Variants in FSTL5 observed in about 807,000 individuals in gnomAD.
The protein encoded by FSTL5 is follistatin like 5, also known as follistatin-related protein 5.
FSTL5 carries 62 observed loss-of-function variants against 89.1 expected under a neutral mutation model. That is an observed-to-expected ratio of 0.70 (90% CI 0.57 to 0.86). The LOEUF (loss-of-function observed/expected upper bound fraction) is 0.86, where lower values mean the gene tolerates loss of function less well. Among genes scored for constraint, FSTL5 ranks in the 40% least tolerant of loss-of-function variants. FSTL5 has a pLI of 0.00. For missense variants in FSTL5, 1,057 were observed against 1,001.6 expected, an observed-to-expected ratio of 1.06 and a Z score of -0.75; for synonymous variants, 383 against 346.2, an observed-to-expected ratio of 1.11 and a Z score of -1.18.
chr4:161,875,866 T>C (rs907177938), intron 4 of FSTL5, among the ~76,000 whole-genome samples: 1 of 152,206 alleles, frequency 6.6e-6, no homozygotes, highest in Admixed American at 6.5e-5. Context: ...GTTGATGCTT[T>C]TTTTGTACAA....
chr4:161,463,395 A>T (rs144650448), intron 13 of FSTL5, among the ~76,000 whole-genome samples: 1 of 152,198 alleles, frequency 6.6e-6, no homozygotes, highest in Non-Finnish European at 1.5e-5. Flanking sequence ...AAATTTATTT[A>T]TAAGTTTTCA....
At chr4:162,104,195 G>C (rs1731118779) in intron 2 of FSTL5, among the ~76,000 whole-genome samples, 1 of 152,194 alleles carries the variant, frequency 6.6e-6, no homozygotes, top group African/African-American at 2.4e-5. Context: ...TGGGCTAAAG[G>C]CTTGCCATTG....
intron 12 of FSTL5, among the ~76,000 whole-genome samples, chr4:161,498,289 CAT>C (rs1730161862): frequency 6.6e-6 from 1 of 152,046 alleles, no homozygotes; most frequent in Non-Finnish European, 1.5e-5. Flanking sequence ...GTTGCCCTGA[CAT>C]GTTGCAAAAC....
intron 8 of FSTL5, among the ~76,000 whole-genome samples, chr4:161,572,363 G>T: frequency 7.3e-6 from 1 of 137,144 alleles, no homozygotes; most frequent in Non-Finnish European, 1.6e-5. Context: ...GAGAGAGAAA[G>T]AGAAAGAAGA....
Position 161,705,978 on chromosome 4 carries a change from A to G in FSTL5, c.728-49484T>C, listed in dbSNP as rs1310334703. ...TATATATATATATATATATATATAT[A>G]TATATATATATATATATACACACAT... On this transcript the variant is annotated intron_variant, in intron 6 of 15. Transcript: ENST00000306100. Among the ~76,000 whole-genome samples the G allele has an allele frequency of 4.4e-5, 4 of 90,468 alleles. 1 individual carries two copies. The highest frequency in any genetic ancestry group is 3.7e-4 in the East Asian group (1 of 2,714). 59.4% of individuals were successfully genotyped at this position (90,468 alleles called of 152,430 possible).
At chr4:162,085,461 A>T (rs911107252) in intron 2 of FSTL5, among the ~76,000 whole-genome samples, 4 of 152,126 alleles carry the variant, frequency 2.6e-5, no homozygotes, top group Non-Finnish European at 4.4e-5. Context: ...ATTTTTCAAA[A>T]AATCAAATAT....
chr4:161,708,287 G>T (rs1230599608), intron 6 of FSTL5, among the ~76,000 whole-genome samples: 1 of 151,652 alleles, frequency 6.6e-6, no homozygotes, highest in African/African-American at 2.4e-5. Context: ...AAATTATTCC[G>T]CTGCCCTGTC....
chr4:161,404,625 C>T (rs1731294254), intron 15 of FSTL5, among the ~76,000 whole-genome samples: 1 of 148,464 alleles, frequency 6.7e-6, no homozygotes, highest in South Asian at 2.1e-4. Flanking sequence ...ACAAGCTGGT[C>T]AAAAGCTAAA....
At chr4:161,926,392 A>AG (rs1311297775) in intron 3 of FSTL5, among the ~76,000 whole-genome samples, 1 of 42,768 alleles carries the variant, frequency 2.3e-5, no homozygotes, top group Non-Finnish European at 5.5e-5. Flanking sequence ...CAACAGAAGA[A>AG]GGTTTTTTTT....
chr4:161,972,999 T>C (rs1449658725), intron 3 of FSTL5, among the ~76,000 whole-genome samples: 10 of 152,200 alleles, frequency 6.6e-5, no homozygotes, highest in East Asian at 1.9e-4. Flanking sequence ...TGGCTTCTCA[T>C]TGATTCTTAG....
intron 2 of FSTL5, among the ~76,000 whole-genome samples, chr4:162,048,596 C>T (rs1578985579): frequency 2.6e-5 from 1 of 38,970 alleles, no homozygotes; most frequent in East Asian, 7.5e-4. Flanking sequence ...CCATTATACA[C>T]ATACACACAC....
intron 3 of FSTL5, among the ~76,000 whole-genome samples, chr4:161,931,135 G>A (rs1357373140): frequency 6.6e-6 from 1 of 151,888 alleles, no homozygotes; most frequent in Admixed American, 6.6e-5. Flanking sequence ...ATCTAATGCT[G>A]CCAAAGGGGA....
Position 161,920,434 on chromosome 4 carries a change from T to A in FSTL5, c.379A>T (p.Ile127Phe), listed in dbSNP as rs571337279. The change falls in exon 4 of 16, where the codon ATT (isoleucine) becomes TTT (phenylalanine). Residue 127 changes from isoleucine (I) to phenylalanine (F), a missense_variant. Ile to Phe is a conservative substitution (Grantham distance 21, BLOSUM62 0). This residue lies in a region of FSTL5 where 980 missense variants were observed against 903.2 expected (regional missense o/e 1.08). Coordinates refer to ENST00000306100, the MANE Select transcript of FSTL5 (RefSeq NM_020116.5). Reference sequence around the variant, plus strand: ...AAGAAGCAGTCTTCATTGTGAACAATGGTAATCTTTTGTTTTTTCAGGCAA... The same window carrying A: ...AAGAAGCAGTCTTCATTGTGAACAAAGGTAATCTTTTGTTTTTTCAGGCAA... ...AACLKKQKIT[I>F]VHNEDCFFKG... 3.1e-6 allele frequency: 5 copies of A among 1,613,976 alleles called. No individual in the cohort carries two copies. In the African/African-American group the frequency reaches 5.3e-5, roughly 17 times the overall value.
At chr4:161,508,866 C>A (rs935631668) in intron 11 of FSTL5, among the ~76,000 whole-genome samples, 1 of 152,178 alleles carries the variant, frequency 6.6e-6, no homozygotes, top group Admixed American at 6.5e-5. Flanking sequence ...AAGCTTCATA[C>A]AAATTTTCCC....
chr4:162,162,409 C>A (rs563305463), intron 1 of FSTL5, among the ~76,000 whole-genome samples: 2 of 152,160 alleles, frequency 1.3e-5, no homozygotes, highest in South Asian at 2.1e-4. Context: ...CATCTACTTG[C>A]AACCTAAACT....
intron 15 of FSTL5, among the ~76,000 whole-genome samples, chr4:161,451,983 G>C (rs1324513279): frequency 6.6e-6 from 1 of 152,172 alleles, no homozygotes; most frequent in East Asian, 1.9e-4. Context: ...CAGCATGAGA[G>C]AAAAGCAGAT....
chr4:161,448,577 C>T (rs1733037636), intron 15 of FSTL5, among the ~76,000 whole-genome samples: 1 of 152,148 alleles, frequency 6.6e-6, no homozygotes, highest in African/African-American at 2.4e-5. Context: ...TCAATCCCTT[C>T]TTAATCATTT....
chr4:161,541,178 A>C (rs1346229963), intron 9 of FSTL5, among the ~76,000 whole-genome samples: 1 of 152,044 alleles, frequency 6.6e-6, no homozygotes, highest in Non-Finnish European at 1.5e-5. Context: ...ATGTGTGTAG[A>C]ATTATCTCTT....
chr4:161,961,627 T>C (rs535122074), intron 3 of FSTL5, among the ~76,000 whole-genome samples: 4 of 151,702 alleles, frequency 2.6e-5, no homozygotes, highest in Admixed American at 1.3e-4. Context: ...TCATAATAAA[T>C]TGGAATTCTT....
Sources: allele counts gnomAD v4.1 joint callset (sites outside exome capture counted in the v4.1 genomes callset), GRCh38; gene constraint gnomAD v4.1.1; regional missense constraint gnomAD v4.1.1; transcripts MANE v1.5; gene names NCBI Gene and HGNC (gene_info 2026-07-23, HGNC 2026-07-21).